Variants in ZNF446 observed in about 807,000 individuals in gnomAD.
The protein encoded by ZNF446 is zinc finger protein 446.
Under a neutral mutation model 34.0 loss-of-function variants are expected in ZNF446, and 42 were observed. The observed-to-expected ratio is 1.23, with a 90% confidence interval of 0.96 to 1.60. ZNF446 has a LOEUF of 1.60. ZNF446 is among the 40% of genes most tolerant of loss of function. ZNF446 has a pLI of 0.00. For synonymous variants in ZNF446, 315 were observed against 251.0 expected (o/e 1.25, Z -2.41); for missense variants, 650 against 600.2 (o/e 1.08, Z -0.87).
At position 58,479,639 on chromosome 19, in the gene ZNF446, G is replaced by A. The variant is rs766867010; in HGVS notation, c.628-4G>A. On this transcript the variant is annotated splice_region_variant and splice_polypyrimidine_tract_variant and intron_variant, in intron 4 of 6. Coordinates refer to ENST00000594369, the MANE Select transcript of ZNF446 (RefSeq NM_017908.4). ...ACGCCTACAGTGATGGGCCACATCC[G>A]CAGGAGGAGTGGGGGCTGCTGGACC... 5.9e-5 allele frequency: 95 copies of A among 1,613,514 alleles called. 1 individual carries two copies. The South Asian group carries it at 9.9e-4, about 17-fold the overall frequency.
Position 58,477,446 on chromosome 19 carries a change from C to T in ZNF446, c.228C>T (p.Gly76=). 6.2e-7 allele frequency: 1 copy of T among 1,613,548 alleles called. No homozygotes were observed. Among genetic ancestry groups the T allele is most frequent in the Non-Finnish European group, 8.5e-7 (1 of 1,180,018 alleles). The change falls in exon 2 of 7, where the codon GGC becomes GGT. Residue 76 remains glycine, a synonymous_variant. Transcript: ENST00000594369. ...TGCTGGTGCTGGAGCAGTTCCTGGG[C>T]ACACTGCCTCCCGAGATCCAGGCCT... ...LEMLVLEQFL[G]TLPPEIQAWV... is the part of the protein sequence containing the mutation.
chr19:58,484,176 C>G (rs1568620294), downstream of ZNF446, among the ~76,000 whole-genome samples: 1 of 151,320 alleles, frequency 6.6e-6, no homozygotes, highest in East Asian at 1.9e-4. Flanking sequence ...GTGGTTCACT[C>G]CTGTAATCCC....
Position 58,480,806 on chromosome 19 carries a change from C to G in ZNF446, c.*80C>G. ...GCCTCTGGGGCACCAGCAGAAGACT[C>G]TGGAGGCAGCAGGGGATGCCAGAGT... On this transcript the variant is annotated 3_prime_UTR_variant, in exon 7 of 7. Coordinates refer to ENST00000594369, the MANE Select transcript of ZNF446 (RefSeq NM_017908.4). This position sits in a 1 kb window ranked among gnomAD's most constrained non-coding sequence, Gnocchi z 7.2. 1 of 1,498,890 alleles carries G rather than the reference C, an allele frequency of 6.7e-7. No homozygotes were observed. 92.8% of individuals were successfully genotyped at this position (1,498,890 alleles called of 1,614,324 possible). A position where few individuals can be genotyped will look rare whatever the true frequency, so the allele number is the denominator to read the frequency against.
At chr19:58,481,984 C>T (rs544873069), downstream of ZNF446, among the ~76,000 whole-genome samples, 6 of 152,080 alleles carry the variant, frequency 3.9e-5, no homozygotes, top group East Asian at 1.9e-4. Flanking sequence ...TTAGTAGAGA[C>T]GGGGTTTCAC....
chr19:58,480,055 T>G lies in ZNF446; in HGVS notation c.802+36T>G. ...CACACCATCCAGCCTGAATCACCCC[T>G]CCTGTATCGGTGGGACCTGAGCCAC... is the stretch of plus-strand genomic sequence containing the variant. On this transcript the variant is annotated intron_variant, in intron 6 of 6. Coordinates refer to ENST00000594369, the MANE Select transcript of ZNF446 (RefSeq NM_017908.4). The surrounding 1 kb of genome is among the most constrained non-coding windows in gnomAD (Gnocchi z 7.2). The G allele has an allele frequency of 6.4e-7, 1 of 1,564,244 alleles. No homozygotes were observed. The highest frequency in any genetic ancestry group is 8.6e-7 in the Non-Finnish European group (1 of 1,160,766).
chr19:58,477,163 C>T lies in ZNF446; in HGVS notation c.-40-16C>T, dbSNP rs1302775027. The T allele has an allele frequency of 5.5e-6, 8 of 1,447,188 alleles. No homozygotes were observed. The highest frequency in any genetic ancestry group is 6.5e-6 in the Non-Finnish European group (7 of 1,080,896). The allele number at this position is 1,447,188 out of a possible 1,614,324, so 89.6% of individuals were successfully genotyped here. A position where few individuals can be genotyped will look rare whatever the true frequency, so the allele number is the denominator to read the frequency against. On this transcript the variant is annotated splice_polypyrimidine_tract_variant and intron_variant, in intron 1 of 6. Coordinates refer to ENST00000594369, the MANE Select transcript of ZNF446 (RefSeq NM_017908.4). ...AGATTCTCTTGGCTGACATTCCGAC[C>T]CTTCCTTTTCTGTAGGCCCATCTTG...
chr19:58,488,528 GAA>G, the ZNF446 span, among the ~76,000 whole-genome samples: 1 of 134,474 alleles, frequency 7.4e-6, no homozygotes, highest in Admixed American at 7.9e-5. Context: ...CCAATTAAAA[GAA>G]AAGGCATAAA....
rs1418250604 is a variant in ZNF446, at chr19:58,480,770, G to C, written c.*44G>C. On this transcript the variant is annotated 3_prime_UTR_variant, in exon 7 of 7. Coordinates refer to ENST00000594369, the MANE Select transcript of ZNF446 (RefSeq NM_017908.4). The surrounding 1 kb of genome is among the most constrained non-coding windows in gnomAD (Gnocchi z 7.2). ...CCCTCGGGGCCTCGGTGTTCTCGGG[G>C]CCTGGATACAGCCTCTGGGGCACCA... 2 of 1,569,432 alleles carry C rather than the reference G, an allele frequency of 1.3e-6. No individual in the cohort carries two copies. Among genetic ancestry groups the C allele is most frequent in the African/African-American group, 2.7e-5 (2 of 74,326 alleles).
rs2053094248 is a variant in ZNF446, at chr19:58,477,217, G to A, written c.-2G>A. ...ATTCCAAGACCACCCCCTTGAGCAA[G>A]AATGCCATCCCCTCTGGGTCCCCCA... is the stretch of plus-strand genomic sequence containing the variant. On this transcript the variant is annotated 5_prime_UTR_variant, in exon 2 of 7. Transcript: ENST00000594369. 1.3e-6 allele frequency: 2 copies of A among 1,548,796 alleles called. No homozygotes were observed. Among genetic ancestry groups the A allele is most frequent in the Admixed American group, 2.0e-5 (1 of 50,800 alleles).
At chr19:58,477,049 T>C in intron 1 of ZNF446, 130 bp from the exon 2 acceptor site, 1 of 605,232 alleles carries the variant, frequency 1.7e-6, no homozygotes, top group Non-Finnish European at 2.9e-6. Flanking sequence ...CCATGAAGCT[T>C]TCTTGGCCTT....
In ZNF446 at chr19:58,477,383, G is replaced by A. The variant is rs757378000; in HGVS notation, c.165G>A (p.Leu55=). ...ARLRELCCQW[L]QPEAHSKEQM... is the part of the protein sequence containing the mutation. Reference sequence around the variant, plus strand: ...TGCGTGAGCTGTGTTGCCAGTGGCTGCAGCCTGAGGCACACTCCAAGGAGC... The same window carrying A: ...TGCGTGAGCTGTGTTGCCAGTGGCTACAGCCTGAGGCACACTCCAAGGAGC... Residue 55 remains leucine, a synonymous_variant, in exon 2 of 7, where the codon CTG becomes CTA. Transcript: ENST00000594369. The A allele has an allele frequency of 1.2e-6, 2 of 1,613,302 alleles. No homozygotes were observed. Among genetic ancestry groups the A allele is most frequent in the South Asian group, 2.2e-5 (2 of 91,086 alleles).
rs1169203628 is a variant in ZNF446, at chr19:58,480,089, G to A, written c.802+70G>A. On this transcript the variant is annotated intron_variant, in intron 6 of 6. Coordinates refer to ENST00000594369, the MANE Select transcript of ZNF446 (RefSeq NM_017908.4). This position sits in a 1 kb window ranked among gnomAD's most constrained non-coding sequence, Gnocchi z 7.2. ...GGTGGGACCTGAGCCACCCACTCAT[G>A]GGGGGACGGGAGCTTGTGCCACGGC... The A allele has an allele frequency of 6.4e-7, 1 of 1,557,034 alleles. No individual in the cohort carries two copies. Among genetic ancestry groups the A allele is most frequent in the South Asian group, 1.2e-5 (1 of 86,326 alleles).
chr19:58,480,372 G>T lies in ZNF446; in HGVS notation c.999G>T (p.Thr333=). 6.2e-7 allele frequency: 1 copy of T among 1,608,926 alleles called. No individual in the cohort carries two copies. The highest frequency in any genetic ancestry group is 1.1e-5 in the South Asian group (1 of 90,302). ...EPAATPRKPY[T]CEQCGRGFDW... is the part of the protein sequence containing the mutation. ...CTGCCACCCCCAGGAAGCCCTACAC[G>T]TGCGAGCAGTGTGGCCGCGGCTTCG... The change falls in exon 7 of 7, where the codon ACG becomes ACT. Residue 333 remains threonine, a synonymous_variant. Transcript: ENST00000594369. The surrounding 1 kb of genome is among the most constrained non-coding windows in gnomAD (Gnocchi z 7.2).
At position 58,477,522 on chromosome 19, in the gene ZNF446, G is replaced by A. The variant is rs1469234571; in HGVS notation, c.304G>A (p.Glu102Lys). ...GSPEEAAALV[E>K]GLQHDPGQLL... ...TCCTGAGGAGGCCGCTGCCCTAGTC[G>A]AAGGACTGCAGCATGACCCTGGGCA... Residue 102 changes from glutamate (E) to lysine (K), a missense_variant, in exon 2 of 7, where the codon GAA becomes AAA. Physicochemically the swap from Glu to Lys is moderately conservative, Grantham distance 56. Coordinates refer to ENST00000594369, the MANE Select transcript of ZNF446 (RefSeq NM_017908.4). The A allele has an allele frequency of 5.6e-6, 9 of 1,612,506 alleles. No homozygotes were observed. The highest frequency in any genetic ancestry group is 5.0e-5 in the Admixed American group (3 of 59,934).
chr19:58,479,961 C>T lies in ZNF446; in HGVS notation c.744C>T (p.Ala248=). 6.3e-7 allele frequency: 1 copy of T among 1,588,488 alleles called. No individual in the cohort carries two copies. Among genetic ancestry groups the T allele is most frequent in the Non-Finnish European group, 8.5e-7 (1 of 1,170,118 alleles). Residue 248 remains alanine, a synonymous_variant, in exon 6 of 7, where the codon GCC becomes GCT. Transcript: ENST00000594369. The stretch of plus-strand genomic sequence containing the variant: ...CGCCCCACCAGCCAGAGGCACAGGC[C>T]CAGTCAGAGCTGGGGATGCTGCTCA... The part of the protein sequence containing the change: ...GLPPHQPEAQ[A]QSELGMLLTG...
chr19:58,478,763 G>A (rs977410155), intron 4 of ZNF446, among the ~76,000 whole-genome samples: 1 of 152,068 alleles, frequency 6.6e-6, no homozygotes, highest in East Asian at 1.9e-4. Flanking sequence ...CTCCAGAGAA[G>A]TCAGCTGGGA....
At chr19:58,488,707 C>T in the ZNF446 span, among the ~76,000 whole-genome samples, 4 of 151,780 alleles carry the variant, frequency 2.6e-5, no homozygotes, top group East Asian at 1.9e-4. Context: ...AAAAATTAGC[C>T]GAGCTTGGTA....
chr19:58,486,231 T>C, the ZNF446 span, among the ~76,000 whole-genome samples: 13 of 150,974 alleles, frequency 8.6e-5, no homozygotes, highest in Non-Finnish European at 1.9e-4. Flanking sequence ...TAGCTGAGAC[T>C]ACAGGCACGT....
At chr19:58,488,857 A>C in the ZNF446 span, among the ~76,000 whole-genome samples, 37 of 151,286 alleles carry the variant, frequency 2.4e-4, 1 homozygote, top group African/African-American at 8.8e-4. Flanking sequence ...TCAAAAAAAA[A>C]AAAAAAACAA....
Sources: gnomAD v4.1 joint callset for allele counts (sites outside exome capture counted in the v4.1 genomes callset) on GRCh38, gnomAD v4.1.1 for gene constraint, Gnocchi (gnomAD v3.1) non-coding constraint, MANE v1.5 for transcripts, NCBI Gene and HGNC (gene_info 2026-07-23, HGNC 2026-07-21) for gene names.